The following FMNL3 variants were observed in gnomAD, a reference collection of about 807,000 sequenced individuals.
FMNL3 encodes formin-like protein 3.
Under a neutral mutation model 119.6 loss-of-function variants are expected in FMNL3, and 57 were observed. That is an observed-to-expected ratio of 0.48 (90% CI 0.39 to 0.59). The LOEUF is 0.59. Among genes scored for constraint, FMNL3 ranks in the 20% least tolerant of loss-of-function variants. FMNL3 has a pLI of 0.00. For missense variants in FMNL3, 1,053 were observed against 1,323.5 expected, an observed-to-expected ratio of 0.80 and a Z score of 3.17; for synonymous variants, 491 against 507.3, an observed-to-expected ratio of 0.97 and a Z score of 0.43.
chr12:49,676,459 G>A (rs1042782683), intron 1 of FMNL3, among the ~76,000 whole-genome samples: 57 of 149,686 alleles, frequency 3.8e-4, no homozygotes, highest in South Asian at 1.1e-3. Context: ...AATAACAAGA[G>A]AGAAAATACC....
Position 49,651,965 on chromosome 12 carries a change from G to A in FMNL3, c.1571C>T (p.Pro524Leu), listed in dbSNP as rs375079554. 7.4e-5 allele frequency: 118 copies of A among 1,604,416 alleles called. No individual in the cohort carries two copies. The South Asian group carries it at 8.2e-4, about 11-fold the overall frequency. ...EVLPLPPPPA[P>L]PLPPPPPPLP... is the part of the protein sequence containing the mutation. The stretch of plus-strand genomic sequence containing the variant: ...TGGGGGAGGTGGAGGGGGCAAGGGC[G>A]GAGCTGGTGGTGGAGGAAGAGGCAG... The change falls in exon 14 of 26, where the codon CCG (proline) becomes CTG (leucine). Residue 524 changes from proline (P) to leucine (L), a missense_variant. Around this residue, in one of 4 missense-constraint regions of FMNL3, gnomAD observed 445 missense variants for 628.4 expected, o/e 0.71. Transcript: ENST00000335154.
chr12:49,666,499 A>T (rs1943894244), intron 2 of FMNL3, among the ~76,000 whole-genome samples: 1 of 152,196 alleles, frequency 6.6e-6, no homozygotes, highest in South Asian at 2.1e-4. Context: ...GATGTTGGGG[A>T]TTACAGAGTT....
At chr12:49,651,338 C>T (rs764598779) in intron 15 of FMNL3, 44 bp downstream of exon 15, 2 of 1,598,878 alleles carry the variant, frequency 1.3e-6, no homozygotes, top group African/African-American at 1.3e-5. Flanking sequence ...AGGACACACA[C>T]CCCTGGTCCC....
At position 49,642,770 on chromosome 12, in the gene FMNL3, G is replaced by A; in HGVS notation, c.*3045C>T. The A allele has an allele frequency of 4.1e-6, 6 of 1,448,114 alleles. No homozygotes were observed. The highest frequency in any genetic ancestry group is 5.7e-6 in the Non-Finnish European group (6 of 1,052,990). The allele number at this position is 1,448,114 out of a possible 1,614,324, so 89.7% of individuals were successfully genotyped here. On this transcript the variant is annotated 3_prime_UTR_variant, in exon 26 of 26. Coordinates refer to ENST00000335154, the MANE Select transcript of FMNL3 (RefSeq NM_175736.5). This position sits in a 1 kb window ranked among gnomAD's most constrained non-coding sequence, Gnocchi z 5.8. ...CAGTGGCCTCCCTCTTACCCTTAGG[G>A]CACTCCTGGCCAGCTAAGGAAGGGG...
At chr12:49,677,651 T>G (rs1018359278) in intron 1 of FMNL3, among the ~76,000 whole-genome samples, 1 of 152,218 alleles carries the variant, frequency 6.6e-6, no homozygotes, top group Non-Finnish European at 1.5e-5. Context: ...AGCTAGAATT[T>G]GGCGATATCA....
intron 1 of FMNL3, among the ~76,000 whole-genome samples, chr12:49,694,474 G>A (rs1391753020): frequency 6.6e-6 from 1 of 152,132 alleles, no homozygotes; most frequent in Non-Finnish European, 1.5e-5. Flanking sequence ...TAAAGGTGAG[G>A]TGGGGGAGTT....
rs772400240 is a variant in FMNL3 at position 49,668,451 on chromosome 12, C to G, written c.210+20G>C. The G allele has an allele frequency of 6.2e-7, 1 of 1,612,770 alleles. No individual in the cohort carries two copies. Among genetic ancestry groups the G allele is most frequent in the Non-Finnish European group, 8.5e-7 (1 of 1,179,316 alleles). ...CAAGACACAACTCCCTACCTCCCTC[C>G]TCTTTCCCAAACCCCATACCTGGTC... is the stretch of plus-strand genomic sequence containing the variant. On this transcript the variant is annotated intron_variant, in intron 2 of 25. Coordinates refer to ENST00000335154, the MANE Select transcript of FMNL3 (RefSeq NM_175736.5).
At position 49,648,331 on chromosome 12, in the gene FMNL3, C is replaced by A. The variant is rs1457992402; in HGVS notation, c.2538G>T (p.Leu846=). The A allele has an allele frequency of 3.1e-6, 5 of 1,612,954 alleles. No homozygotes were observed. The South Asian group carries it at 5.5e-5, about 18-fold the overall frequency. ...TGCCCCGGCCCAGCTCCTTCACGTC[C>A]AGCAGCACGTTCTCCAGGGACACTG... ...AAAVSLENVL[L]DVKELGRGME... The change falls in exon 22 of 26, where the codon CTG becomes CTT. Residue 846 remains leucine, a synonymous_variant. Transcript: ENST00000335154.
intron 2 of FMNL3, among the ~76,000 whole-genome samples, chr12:49,666,667 CCA>C (rs1387610431): frequency 6.6e-6 from 1 of 152,068 alleles, no homozygotes; most frequent in African/African-American, 2.4e-5. Flanking sequence ...ATGGTGGCTA[CCA>C]CATGCCTGTA....
chr12:49,704,343 T>C (rs1019924168), intron 1 of FMNL3, among the ~76,000 whole-genome samples: 6 of 152,124 alleles, frequency 3.9e-5, no homozygotes, highest in Non-Finnish European at 8.8e-5. Context: ...CCAATTATAA[T>C]GAAGCTGACA....
rs924296873 is a variant in FMNL3 at position 49,636,549 on chromosome 12, C to A, written c.*9266G>T. 7 of 706,620 alleles carry A rather than the reference C, an allele frequency of 9.9e-6. No individual in the cohort carries two copies. Among genetic ancestry groups the A allele is most frequent in the Non-Finnish European group, 1.7e-5 (7 of 424,110 alleles). The allele number at this position is 706,620 out of a possible 1,614,324, so 43.8% of individuals were successfully genotyped here. A position where few individuals can be genotyped will look rare whatever the true frequency, so the allele number is the denominator to read the frequency against. ...ACAATTAATGATCCCCTCTTAAGAACTACCATTGCAGTGGCTGCTCCCACA... is the reference window on the plus strand; with the variant it reads ...ACAATTAATGATCCCCTCTTAAGAAATACCATTGCAGTGGCTGCTCCCACA... On this transcript the variant is annotated 3_prime_UTR_variant, in exon 26 of 26. Transcript: ENST00000335154.
chr12:49,637,712 CCCCT>C lies in FMNL3; in HGVS notation c.*8099_*8102del, dbSNP rs766741537. ...TTGGGAAGCTGCCGCCCGCCAGGCC[CCCCT>C]CCCTCCCTCCTTACAGGCTCCACCC... On this transcript the variant is annotated 3_prime_UTR_variant, in exon 26 of 26. Coordinates refer to ENST00000335154, the MANE Select transcript of FMNL3 (RefSeq NM_175736.5). 121 of 1,536,798 alleles carry C rather than the reference CCCCT, an allele frequency of 7.9e-5. No individual in the cohort carries two copies. Among genetic ancestry groups the C allele is most frequent in the Non-Finnish European group, 9.9e-5 (110 of 1,116,700 alleles).
At chr12:49,706,692 C>T (rs1945056901) in intron 1 of FMNL3, among the ~76,000 whole-genome samples, 1 of 152,166 alleles carries the variant, frequency 6.6e-6, no homozygotes, top group South Asian at 2.1e-4. Flanking sequence ...TCCCCCCACC[C>T]GCGAGAGGCT....
rs1304322095 is a variant in FMNL3, at chr12:49,657,186, T to A, written c.610A>T (p.Ser204Cys). The change falls in exon 7 of 26, where the codon AGC becomes TGC. Residue 204 changes from serine (S) to cysteine (C), a missense_variant. By Grantham distance (112) the Ser-to-Cys change is moderately radical. This residue lies in a region of FMNL3 where 264 missense variants were observed against 265.5 expected (regional missense o/e 0.99). Transcript: ENST00000335154. ...RSARQSVLRY[S>C]TLPGRRALKN... ...AGGGCCCTGCGCCCAGGGAGAGTGC[T>A]ATACCTGGGGAGATGGGCCAGGCAG... 6.2e-7 allele frequency: 1 copy of A among 1,613,612 alleles called. No individual in the cohort carries two copies. The highest frequency in any genetic ancestry group is 1.1e-5 in the South Asian group (1 of 91,062).
Position 49,665,887 on chromosome 12 carries a change from C to T in FMNL3, c.313G>A (p.Glu105Lys). 1 of 1,614,186 alleles carries T rather than the reference C, an allele frequency of 6.2e-7. No individual in the cohort carries two copies. The highest frequency in any genetic ancestry group is 8.5e-7 in the Non-Finnish European group (1 of 1,180,032). ...TRKKFRRRVQ[E>K]STKVLRELEI... ...AGCTCCCTTAGTACTTTGGTTGACT[C>T]CTGCACCCTCCTCCTGAACTTCTGT... Residue 105 changes from glutamate to lysine, a missense_variant, in exon 4 of 26, where the codon GAG becomes AAG. Around this residue, in one of 4 missense-constraint regions of FMNL3, gnomAD observed 264 missense variants for 265.5 expected, o/e 0.99. Transcript: ENST00000335154.
At chr12:49,658,186 G>C (rs1321095842) in intron 6 of FMNL3, among the ~76,000 whole-genome samples, 1 of 152,220 alleles carries the variant, frequency 6.6e-6, no homozygotes, top group Non-Finnish European at 1.5e-5. Flanking sequence ...CCCCCAGAGA[G>C]GGGTGAGGAA....
chr12:49,701,247 A>G (rs979906692), intron 1 of FMNL3, among the ~76,000 whole-genome samples: 1 of 152,112 alleles, frequency 6.6e-6, no homozygotes, highest in African/African-American at 2.4e-5. Context: ...GTAGATGGTG[A>G]GATTATAGGT....
At chr12:49,700,664 G>T in intron 1 of FMNL3, among the ~76,000 whole-genome samples, 1 of 141,026 alleles carries the variant, frequency 7.1e-6, no homozygotes, top group South Asian at 2.2e-4. Flanking sequence ...ACAGTGAGCC[G>T]AGATCGCACC....
In FMNL3 at chr12:49,637,675, A is replaced by G; in HGVS notation, c.*8140T>C. 3 of 1,513,068 alleles carry G rather than the reference A, an allele frequency of 2.0e-6. No homozygotes were observed. Among genetic ancestry groups the G allele is most frequent in the Non-Finnish European group, 1.8e-6 (2 of 1,106,360 alleles). 93.7% of individuals were successfully genotyped at this position (1,513,068 alleles called of 1,614,324 possible). A position where few individuals can be genotyped will look rare whatever the true frequency, so the allele number is the denominator to read the frequency against. The stretch of plus-strand genomic sequence containing the variant: ...TACTACCGGCTCCTGTCCTCGGCCC[A>G]GCCCCCAGGCCTTGGGAAGCTGCCG... On this transcript the variant is annotated 3_prime_UTR_variant, in exon 26 of 26. Coordinates refer to ENST00000335154, the MANE Select transcript of FMNL3 (RefSeq NM_175736.5).
Sources: gnomAD v4.1 joint callset for allele counts (sites outside exome capture counted in the v4.1 genomes callset) on GRCh38, gnomAD v4.1.1 for gene constraint, gnomAD v4.1.1 regional missense constraint, Gnocchi (gnomAD v3.1) non-coding constraint, MANE v1.5 for transcripts, NCBI Gene and HGNC (gene_info 2026-07-23, HGNC 2026-07-21) for gene names.